The following ATP8A2 variants were observed in gnomAD, a reference collection of about 807,000 sequenced individuals.
ATP8A2 encodes the protein ATPase phospholipid transporting 8A2, also known as phospholipid-transporting ATPase IB.
ATP8A2 carries 100 observed loss-of-function variants against 165.6 expected under a neutral mutation model. The ratio of observed to expected loss-of-function variants is 0.60; its 90% CI spans 0.51 to 0.71. ATP8A2 has a LOEUF of 0.71. ATP8A2 is among the 30% of genes least tolerant of loss of function. The pLI is 0.00. For missense variants in ATP8A2, 1,227 were observed against 1,479.5 expected (o/e 0.83, Z 2.80); for synonymous variants, 543 against 548.8 (o/e 0.99, Z 0.15).
chr13:25,511,846 T>G (rs2037234911), intron 2 of ATP8A2, among the ~76,000 whole-genome samples: 1 of 152,178 alleles, frequency 6.6e-6, no homozygotes, highest in South Asian at 2.1e-4. Flanking sequence ...CAACTTCTTC[T>G]GTATAACTTG....
rs117179029 is a variant in ATP8A2, at chr13:26,004,477, C to T, written c.3378-8054C>T. Among the ~76,000 whole-genome samples the T allele has an allele frequency of 7.2e-3, 1,094 of 152,036 alleles. 6 individuals carry two copies. Among genetic ancestry groups the T allele is most frequent in the Non-Finnish European group, 0.011 (725 of 67,866 alleles). On this transcript the variant is annotated intron_variant, in intron 35 of 36. Transcript: ENST00000381655. ...CAAACAGAGATAATTTTGCTTTTTTCTTTCCTATCAGGATACCTTATATTA... is the reference window on the plus strand; with the variant it reads ...CAAACAGAGATAATTTTGCTTTTTTTTTTCCTATCAGGATACCTTATATTA...
chr13:25,992,483 A>G (rs2139294322), intron 35 of ATP8A2, among the ~76,000 whole-genome samples: 1 of 152,194 alleles, frequency 6.6e-6, no homozygotes, highest in Admixed American at 6.5e-5. Context: ...GTGGCTTACA[A>G]ATATTTTCTC....
At chr13:25,521,089 G>C (rs532794211) in intron 2 of ATP8A2, among the ~76,000 whole-genome samples, 2 of 152,152 alleles carry the variant, frequency 1.3e-5, no homozygotes, top group South Asian at 4.2e-4. Flanking sequence ...TCTCATTATG[G>C]TTTTGATTTG....
chr13:25,953,968 T>C lies in ATP8A2; in HGVS notation c.3184-7607T>C, dbSNP rs1446441814. On this transcript the variant is annotated intron_variant, in intron 33 of 36. Coordinates refer to ENST00000381655, the MANE Select transcript of ATP8A2 (RefSeq NM_016529.6). The surrounding 1 kb of genome is among the most constrained non-coding windows in gnomAD (Gnocchi z 6.7). Reference sequence around the variant, plus strand: ...GAGCTAGCTGCAGGAGTTTTTTTTTTTCATACCCCAGTGGCACCTGGAATG... The same window carrying C: ...GAGCTAGCTGCAGGAGTTTTTTTTTCTCATACCCCAGTGGCACCTGGAATG... Among the ~76,000 whole-genome samples, 9 of 132,236 alleles carry C rather than the reference T, an allele frequency of 6.8e-5. No homozygotes were observed. The highest frequency in any genetic ancestry group is 9.6e-5 in the Non-Finnish European group (6 of 62,226). The allele number at this position is 132,236 out of a possible 152,430, so 86.8% of individuals were successfully genotyped here.
chr13:25,478,348 TCTA>T (rs571789315), intron 2 of ATP8A2, among the ~76,000 whole-genome samples: 108 of 152,294 alleles, frequency 7.1e-4, no homozygotes, highest in Admixed American at 6.0e-3. Context: ...AAGTGTTTGT[TCTA>T]CTACTTATAG....
intron 27 of ATP8A2, among the ~76,000 whole-genome samples, chr13:25,815,801 G>A (rs1951001979): frequency 6.6e-6 from 1 of 152,092 alleles, no homozygotes; most frequent in South Asian, 2.1e-4. Flanking sequence ...CCATGTATGG[G>A]TGAATGAATA....
chr13:25,806,770 G>A (rs1244699641), intron 27 of ATP8A2, among the ~76,000 whole-genome samples: 1 of 152,082 alleles, frequency 6.6e-6, no homozygotes, highest in African/African-American at 2.4e-5. Context: ...TTCTGAAGTG[G>A]CTTCATCATT....
At chr13:25,795,213 T>C (rs1950475817) in intron 27 of ATP8A2, among the ~76,000 whole-genome samples, 1 of 152,210 alleles carries the variant, frequency 6.6e-6, no homozygotes, top group African/African-American at 2.4e-5. Context: ...ATGGTTCAAA[T>C]GTGCTGGGGC....
At chr13:25,682,396 A>G (rs1352776398) in intron 24 of ATP8A2, among the ~76,000 whole-genome samples, 1 of 152,138 alleles carries the variant, frequency 6.6e-6, no homozygotes, top group Non-Finnish European at 1.5e-5. Context: ...AAGAGGCTGG[A>G]GCAGCCTGGC....
intron 23 of ATP8A2, among the ~76,000 whole-genome samples, chr13:25,584,718 C>T (rs537482383): frequency 1.3e-5 from 2 of 152,294 alleles, no homozygotes; most frequent in East Asian, 3.9e-4. Flanking sequence ...TAGAGGGATT[C>T]ACATAGCTTT....
chr13:25,905,287 C>T (rs1200017931), intron 33 of ATP8A2, among the ~76,000 whole-genome samples: 1 of 152,062 alleles, frequency 6.6e-6, no homozygotes, highest in Non-Finnish European at 1.5e-5. Context: ...AGTGACATCT[C>T]TTATACACTC....
At chr13:25,860,776 G>A in intron 31 of ATP8A2, 28 bp from the exon 32 acceptor site, 1 of 1,553,692 alleles carries the variant, frequency 6.4e-7, no homozygotes, top group South Asian at 1.2e-5. Flanking sequence ...AGAATAATGT[G>A]TTTCCAAACT....
chr13:25,402,610 T>G (rs775147878), intron 1 of ATP8A2, among the ~76,000 whole-genome samples: 1 of 152,190 alleles, frequency 6.6e-6, no homozygotes. Flanking sequence ...CAGACTGGGC[T>G]CCAGTGAAAA....
intron 25 of ATP8A2, among the ~76,000 whole-genome samples, chr13:25,759,940 T>C (rs2138240554): frequency 6.6e-6 from 1 of 152,326 alleles, no homozygotes; most frequent in African/African-American, 2.4e-5. Flanking sequence ...TGTTCTGTTT[T>C]TGTGGACATG....
intron 33 of ATP8A2, among the ~76,000 whole-genome samples, chr13:25,886,041 G>A (rs1195543199): frequency 6.6e-6 from 1 of 152,214 alleles, no homozygotes; most frequent in Non-Finnish European, 1.5e-5. Flanking sequence ...AGAGGCAGAT[G>A]TTGTACTTCT....
intron 24 of ATP8A2, among the ~76,000 whole-genome samples, chr13:25,598,663 G>A (rs1249771624): frequency 6.6e-6 from 1 of 151,800 alleles, no homozygotes; most frequent in East Asian, 1.9e-4. Context: ...ATATTGTTAT[G>A]ATAGCTCATT....
intron 33 of ATP8A2, among the ~76,000 whole-genome samples, chr13:25,874,934 G>T (rs1217676841): frequency 6.6e-6 from 1 of 152,178 alleles, no homozygotes; most frequent in South Asian, 2.1e-4. Flanking sequence ...TAAAGTTGAG[G>T]ACATTATGTA....
chr13:25,590,205 G>A lies in ATP8A2; in HGVS notation c.2211+506G>A, dbSNP rs745753725. On this transcript the variant is annotated intron_variant, in intron 24 of 36. Transcript: ENST00000381655. ...TTTGGGAGGCGGAGGCAGAAGGATCGCTTTAACCAAGGAGTTCCAGACCAG... is the reference window on the plus strand; with the variant it reads ...TTTGGGAGGCGGAGGCAGAAGGATCACTTTAACCAAGGAGTTCCAGACCAG... Among the ~76,000 whole-genome samples the A allele has an allele frequency of 1.4e-4, 22 of 152,246 alleles. 1 individual carries two copies. The highest frequency in any genetic ancestry group is 4.1e-4 in the South Asian group (2 of 4,820).
Position 25,579,865 on chromosome 13 carries a change from G to A in ATP8A2, c.1925G>A (p.Trp642Ter). The change falls in exon 22 of 37, where the codon TGG becomes TAG. Residue 642 changes from tryptophan to a stop codon, truncating the protein, a stop_gained. Coordinates refer to ENST00000381655, the MANE Select transcript of ATP8A2 (RefSeq NM_016529.6). LOFTEE classifies it high-confidence loss of function. ...CTCTCTGAGAATGAGTATGAGGAGT[G>A]GCTGAAAGTCTATCAGGAAGCCAGC... ...ADLSENEYEE[W>*]LKVYQEASTI... is the part of the protein sequence containing the mutation. The A allele has an allele frequency of 6.2e-7, 1 of 1,613,992 alleles. No individual in the cohort carries two copies. The highest frequency in any genetic ancestry group is 8.5e-7 in the Non-Finnish European group (1 of 1,179,972).
Sources: allele counts gnomAD v4.1 joint callset (sites outside exome capture counted in the v4.1 genomes callset), GRCh38; gene constraint gnomAD v4.1.1; non-coding constraint Gnocchi (gnomAD v3.1); transcripts MANE v1.5; gene names NCBI Gene and HGNC (gene_info 2026-07-23, HGNC 2026-07-21).